TSHZ1: variants seen among roughly 807,000 people sequenced by gnomAD.
TSHZ1 encodes the protein teashirt zinc finger homeobox 1, also known as teashirt homolog 1.
Under a neutral mutation model 67.1 loss-of-function variants are expected in TSHZ1, and 12 were observed. The ratio of observed to expected loss-of-function variants is 0.18; its 90% CI spans 0.11 to 0.29. The LOEUF is 0.29. TSHZ1 is among the 10% of genes least tolerant of loss of function. The pLI, the probability that TSHZ1 is intolerant of heterozygous loss-of-function variation, is 1.00. For synonymous variants in TSHZ1, 632 were observed against 622.4 expected (o/e 1.02, Z -0.23); for missense variants, 1,305 against 1,413.9 (o/e 0.92, Z 1.23).
intron 1 of TSHZ1, among the ~76,000 whole-genome samples, chr18:75,278,678 T>C (rs1397694761): frequency 6.6e-6 from 1 of 151,942 alleles, no homozygotes; most frequent in African/African-American, 2.4e-5. Context: ...TGCTGCCTGG[T>C]TGAGCCTTGG....
intron 1 of TSHZ1, among the ~76,000 whole-genome samples, chr18:75,244,170 A>G (rs1453340035): frequency 6.6e-6 from 1 of 152,158 alleles, no homozygotes; most frequent in Middle Eastern, 3.4e-3. Flanking sequence ...TCGTGCTCGG[A>G]GTTCCGGGTT....
rs2023786777 is a variant in TSHZ1, at chr18:75,287,281, G to A, written c.1874G>A (p.Gly625Glu). ...AEHNALLHSP[G>E]SLTPPPHKSN... ...CACAACGCCCTCCTGCACTCCCCAG[G>A]GAGCCTCACGCCCCCACCGCACAAG... The change falls in exon 2 of 2, where the codon GGG becomes GAG. Residue 625 changes from glycine (G) to glutamate (E), a missense_variant. Transcript: ENST00000580243. This position sits in a 1 kb window ranked among gnomAD's most constrained non-coding sequence, Gnocchi z 5.0. 1 of 1,614,002 alleles carries A rather than the reference G, an allele frequency of 6.2e-7. No homozygotes were observed. Among genetic ancestry groups the A allele is most frequent in the Admixed American group, 1.7e-5 (1 of 60,016 alleles).
At chr18:75,226,006 ATC>A (rs1370425771) in intron 1 of TSHZ1, among the ~76,000 whole-genome samples, 1 of 152,214 alleles carries the variant, frequency 6.6e-6, no homozygotes, top group Non-Finnish European at 1.5e-5. Flanking sequence ...AATTAGTGCT[ATC>A]TCTAGGAAAA....
Position 75,285,987 on chromosome 18 carries a change from A to C in TSHZ1, c.580A>C (p.Ser194Arg). 6.2e-7 allele frequency: 1 copy of C among 1,601,460 alleles called. No individual in the cohort carries two copies. Among genetic ancestry groups the C allele is most frequent in the Non-Finnish European group, 8.5e-7 (1 of 1,174,750 alleles). The change falls in exon 2 of 2, where the codon AGC becomes CGC. Residue 194 changes from serine to arginine, a missense_variant. Around this residue, in one of 3 missense-constraint regions of TSHZ1, gnomAD observed 358 missense variants for 375.6 expected, o/e 0.95. Transcript: ENST00000580243. ...SHSSTTSTSS[S>R]SGYDWHQAAL... is the part of the protein sequence containing the mutation. ...CAGCAGTACCACCAGTACCAGCAGC[A>C]GCTCCGGGTACGACTGGCACCAGGC...
intron 1 of TSHZ1, among the ~76,000 whole-genome samples, chr18:75,273,898 T>C (rs991484718): frequency 1.3e-5 from 2 of 152,226 alleles, no homozygotes; most frequent in Non-Finnish European, 2.9e-5. Flanking sequence ...TTAAATGTTT[T>C]ATTCACACCC....
chr18:75,285,622 C>T lies in TSHZ1; in HGVS notation c.215C>T (p.Ala72Val). 7.4e-6 allele frequency: 12 copies of T among 1,613,204 alleles called. No individual in the cohort carries two copies. The highest frequency in any genetic ancestry group is 1.0e-5 in the Non-Finnish European group (12 of 1,179,522). ...GTCAGCTCTGCGACTAACCAGGACG[C>T]CGGCTACGGGTCGCCCTTCAGTGAG... is the stretch of plus-strand genomic sequence containing the variant. ...SPVSSATNQD[A>V]GYGSPFSESS... The change falls in exon 2 of 2, where the codon GCC becomes GTC. Residue 72 changes from alanine to valine, a missense_variant. This residue lies in a region of TSHZ1 where 358 missense variants were observed against 375.6 expected (regional missense o/e 0.95). Transcript: ENST00000580243.
chr18:75,230,252 A>G (rs545171696), intron 1 of TSHZ1, among the ~76,000 whole-genome samples: 8 of 152,338 alleles, frequency 5.3e-5, no homozygotes, highest in African/African-American at 1.9e-4. Flanking sequence ...TTTCCTGATT[A>G]AAAGCTGTTT....
intron 1 of TSHZ1, among the ~76,000 whole-genome samples, chr18:75,264,661 C>T (rs2023469754): frequency 1.3e-5 from 2 of 152,100 alleles, no homozygotes; most frequent in African/African-American, 4.8e-5. Flanking sequence ...GATACCTGGG[C>T]CAACTGAAGG....
chr18:75,227,808 G>C (rs2022945365), intron 1 of TSHZ1, among the ~76,000 whole-genome samples: 1 of 152,230 alleles, frequency 6.6e-6, no homozygotes, highest in South Asian at 2.1e-4. Flanking sequence ...CTGTTTCCTA[G>C]GCGGAGCTAG....
In TSHZ1 at chr18:75,285,651, A is replaced by G; in HGVS notation, c.244A>G (p.Ser82Gly). The G allele has an allele frequency of 1.2e-6, 2 of 1,613,976 alleles. No individual in the cohort carries two copies. Among genetic ancestry groups the G allele is most frequent in the Non-Finnish European group, 1.7e-6 (2 of 1,179,966 alleles). The change falls in exon 2 of 2, where the codon AGC becomes GGC. Residue 82 changes from serine (S) to glycine (G), a missense_variant. Ser to Gly is a moderately conservative substitution (Grantham distance 56). Coordinates refer to ENST00000580243, the MANE Select transcript of TSHZ1 (RefSeq NM_001308210.2). ...CTACGGGTCGCCCTTCAGTGAGAGC[A>G]GCGACCAGCTAGCCCATTTCAAAGG... is the stretch of plus-strand genomic sequence containing the variant. ...AGYGSPFSES[S>G]DQLAHFKGSS...
intron 1 of TSHZ1, among the ~76,000 whole-genome samples, chr18:75,272,572 T>C (rs2023571213): frequency 6.6e-6 from 1 of 152,224 alleles, no homozygotes; most frequent in Non-Finnish European, 1.5e-5. Flanking sequence ...CTTCTTTAAG[T>C]TGTTAATGTG....
intron 1 of TSHZ1, among the ~76,000 whole-genome samples, chr18:75,231,420 A>G (rs1599030208): frequency 6.6e-6 from 1 of 152,166 alleles, no homozygotes; most frequent in African/African-American, 2.4e-5. Context: ...ATTTTTGTCC[A>G]CTACACCAGA....
At chr18:75,211,951 G>T in intron 1 of TSHZ1, 35 bp downstream of exon 1, 1 of 1,201,890 alleles carries the variant, frequency 8.3e-7, no homozygotes, top group Non-Finnish European at 1.0e-6. Flanking sequence ...CGGGGAGTGG[G>T]CGCCGGGAGG....
At chr18:75,279,462 T>C (rs1316655738) in intron 1 of TSHZ1, among the ~76,000 whole-genome samples, 1 of 152,008 alleles carries the variant, frequency 6.6e-6, no homozygotes, top group Non-Finnish European at 1.5e-5. Flanking sequence ...GTGACAACTG[T>C]GTGTGGGTGA....
intron 1 of TSHZ1, among the ~76,000 whole-genome samples, chr18:75,250,501 G>GACGGGGCGGC (rs2023287123): frequency 6.6e-6 from 1 of 152,212 alleles, no homozygotes; most frequent in Non-Finnish European, 1.5e-5. Flanking sequence ...CGTGGACGTG[G>GACGGGGCGGC]ACGGGGCGGT....
intron 1 of TSHZ1, chr18:75,245,316 T>A (rs1380615315): frequency 1.3e-5 from 2 of 152,230 alleles, no homozygotes; most frequent in East Asian, 3.8e-4. Context: ...CACCTGAAGC[T>A]GTGGAAACAA....
At chr18:75,245,981 T>A (rs1271188637) in intron 1 of TSHZ1, among the ~76,000 whole-genome samples, 1 of 152,150 alleles carries the variant, frequency 6.6e-6, no homozygotes, top group African/African-American at 2.4e-5. Context: ...ATGCTCTGAA[T>A]CAAATAAGTG....
At chr18:75,229,344 G>A (rs8090171) in intron 1 of TSHZ1, among the ~76,000 whole-genome samples, 10,442 of 152,288 alleles carry the variant, frequency 0.069, 592 homozygotes, top group African/African-American at 0.15. Context: ...GGATTGATGC[G>A]TCTCATCTCT....
Position 75,287,371 on chromosome 18 carries a change from A to G in TSHZ1, c.1964A>G (p.Glu655Gly). The G allele has an allele frequency of 6.2e-7, 1 of 1,614,110 alleles. No individual in the cohort carries two copies. The highest frequency in any genetic ancestry group is 8.5e-7 in the Non-Finnish European group (1 of 1,180,026). ...KVTGKVNIKK[E>G]ERPPEKEKSS... The stretch of plus-strand genomic sequence containing the variant: ...ACGGGCAAGGTCAACATCAAGAAGG[A>G]GGAGAGACCCCCTGAGAAGGAGAAG... Residue 655 changes from glutamate (E) to glycine (G), a missense_variant, in exon 2 of 2, where the codon GAG (glutamate) becomes GGG (glycine). By Grantham distance (98) the Glu-to-Gly change is moderately conservative. This residue lies in a region of TSHZ1 where 909 missense variants were observed against 961.8 expected (regional missense o/e 0.95). Transcript: ENST00000580243. This position sits in a 1 kb window ranked among gnomAD's most constrained non-coding sequence, Gnocchi z 5.0.
Sources: allele counts gnomAD v4.1 joint callset (sites outside exome capture counted in the v4.1 genomes callset), GRCh38; gene constraint gnomAD v4.1.1; regional missense constraint gnomAD v4.1.1; non-coding constraint Gnocchi (gnomAD v3.1); transcripts MANE v1.5; gene names NCBI Gene and HGNC (gene_info 2026-07-23, HGNC 2026-07-21).